The following PTPRD variants were observed in gnomAD, a reference collection of about 807,000 sequenced individuals.
The protein encoded by PTPRD is receptor-type tyrosine-protein phosphatase delta.
PTPRD carries 34 observed loss-of-function variants against 214.5 expected under a neutral mutation model. That is an observed-to-expected ratio of 0.16 (90% CI 0.12 to 0.21). The LOEUF is 0.21. Among genes scored for constraint, PTPRD ranks in the 10% least tolerant of loss-of-function variants. The pLI, the probability that PTPRD is intolerant of heterozygous loss-of-function variation, is 1.00. For synonymous variants in PTPRD, 1,128 were observed against 845.7 expected (o/e 1.33, Z -5.79); for missense variants, 2,545 against 2,398.7 (o/e 1.06, Z -1.27).
chr9:8,362,615 A>C (rs1340354337), intron 39 of PTPRD, among the ~76,000 whole-genome samples: 1 of 152,232 alleles, frequency 6.6e-6, no homozygotes, highest in Non-Finnish European at 1.5e-5. Context: ...CCTATAAACC[A>C]AAATTTGGAC....
chr9:10,406,231 C>A (rs143780101), intron 2 of PTPRD, among the ~76,000 whole-genome samples: 2 of 151,370 alleles, frequency 1.3e-5, no homozygotes, highest in East Asian at 3.9e-4. Context: ...ATAATTTCAG[C>A]AGTTCACATA....
intron 11 of PTPRD, among the ~76,000 whole-genome samples, chr9:8,835,216 T>C (rs1298316993): frequency 2.0e-5 from 3 of 152,230 alleles, no homozygotes; most frequent in African/African-American, 2.4e-5. Context: ...GTACCAGCTA[T>C]AGTCAAGATG....
At chr9:8,398,963 G>A (rs2091845213) in intron 36 of PTPRD, among the ~76,000 whole-genome samples, 1 of 152,102 alleles carries the variant, frequency 6.6e-6, no homozygotes, top group Non-Finnish European at 1.5e-5. Flanking sequence ...AAGCACTAGT[G>A]TTAAAGAATG....
At chr9:8,861,799 G>A (rs1307771909) in intron 11 of PTPRD, 1 of 152,206 alleles carries the variant, frequency 6.6e-6, no homozygotes, top group Non-Finnish European at 1.5e-5. Context: ...AGATTCAAGT[G>A]ACATGTTCGG....
At chr9:9,813,364 G>C (rs2047749050) in intron 5 of PTPRD, among the ~76,000 whole-genome samples, 1 of 135,282 alleles carries the variant, frequency 7.4e-6, no homozygotes, top group Non-Finnish European at 1.5e-5. Context: ...AGTTTCTAAA[G>C]AAAAACAAAA....
intron 11 of PTPRD, among the ~76,000 whole-genome samples, chr9:8,766,817 TTATTTAGAAG>T (rs2094789293): frequency 6.6e-6 from 1 of 152,214 alleles, no homozygotes; most frequent in Admixed American, 6.5e-5. Context: ...TTAGAAGTGT[TTATTTAGAAG>T]TTTCGTGATG....
At chr9:9,222,120 C>T (rs1354621886) in intron 9 of PTPRD, among the ~76,000 whole-genome samples, 2 of 152,052 alleles carry the variant, frequency 1.3e-5, no homozygotes, top group African/African-American at 4.8e-5. Flanking sequence ...TTAGGAAAAA[C>T]TTACAAAGTT....
intron 3 of PTPRD, among the ~76,000 whole-genome samples, chr9:10,106,476 T>C (rs566511813): frequency 2.6e-5 from 4 of 151,958 alleles, no homozygotes; most frequent in Non-Finnish European, 4.4e-5. Flanking sequence ...AGGGAAAGTA[T>C]AGTAACACAA....
intron 9 of PTPRD, among the ~76,000 whole-genome samples, chr9:9,200,604 C>A (rs1437118749): frequency 6.6e-6 from 1 of 152,214 alleles, no homozygotes; most frequent in East Asian, 1.9e-4. Context: ...CCAACCAAGA[C>A]TGTCTGTTGC....
intron 9 of PTPRD, among the ~76,000 whole-genome samples, chr9:9,288,569 C>T (rs1198092497): frequency 6.6e-6 from 1 of 151,864 alleles, no homozygotes; most frequent in African/African-American, 2.4e-5. Context: ...ATATTGTGTT[C>T]ACACTTTCAT....
intron 9 of PTPRD, among the ~76,000 whole-genome samples, chr9:9,364,257 C>T (rs1469828591): frequency 6.6e-6 from 1 of 151,338 alleles, no homozygotes; most frequent in Non-Finnish European, 1.5e-5. Flanking sequence ...AGTATTCACT[C>T]AGAATTCATA....
intron 14 of PTPRD, among the ~76,000 whole-genome samples, chr9:8,573,949 A>G (rs2091818477): frequency 6.6e-6 from 1 of 151,998 alleles, no homozygotes. Flanking sequence ...AACTTCATTT[A>G]GGGCTGACTA....
At chr9:8,829,457 A>G (rs2097242575) in intron 11 of PTPRD, among the ~76,000 whole-genome samples, 1 of 152,204 alleles carries the variant, frequency 6.6e-6, no homozygotes, top group Non-Finnish European at 1.5e-5. Context: ...TGCATACATC[A>G]GTTCATTACT....
chr9:10,373,646 C>T (rs1478096583), intron 2 of PTPRD, among the ~76,000 whole-genome samples: 1 of 152,206 alleles, frequency 6.6e-6, no homozygotes, highest in East Asian at 1.9e-4. Flanking sequence ...CAGCTATAGG[C>T]ACCTTGATGA....
chr9:9,062,112 T>G (rs562846135), intron 10 of PTPRD, among the ~76,000 whole-genome samples: 24 of 152,212 alleles, frequency 1.6e-4, no homozygotes, highest in Non-Finnish European at 2.9e-4. Context: ...ATTCCAATAG[T>G]TGAAGTTCAA....
chr9:10,108,772 C>T (rs2098661201), intron 3 of PTPRD, among the ~76,000 whole-genome samples: 1 of 151,838 alleles, frequency 6.6e-6, no homozygotes, highest in Non-Finnish European at 1.5e-5. Context: ...CAAAGGGATA[C>T]TATTCATCCT....
At chr9:9,637,250 C>G (rs900548923) in intron 7 of PTPRD, among the ~76,000 whole-genome samples, 2 of 152,146 alleles carry the variant, frequency 1.3e-5, no homozygotes, top group Non-Finnish European at 2.9e-5. Context: ...TCTTAATTCA[C>G]TCTAGCATAA....
At chr9:8,331,539 A>C (rs755873091) in intron 44 of PTPRD, 43 bp downstream of exon 44, 4 of 1,154,674 alleles carry the variant, frequency 3.5e-6, no homozygotes, top group Admixed American at 5.6e-5. Context: ...CAATGAAGAA[A>C]CACCACCACT....
chr9:9,963,714 G>A (rs532961044), intron 4 of PTPRD, among the ~76,000 whole-genome samples: 1 of 152,200 alleles, frequency 6.6e-6, no homozygotes, highest in East Asian at 1.9e-4. Flanking sequence ...GACCAAGAAG[G>A]ACAAAGCGAT....
Sources: gnomAD v4.1 joint callset for allele counts (sites outside exome capture counted in the v4.1 genomes callset) on GRCh38, gnomAD v4.1.1 for gene constraint, MANE v1.5 for transcripts, NCBI Gene and HGNC (gene_info 2026-07-23, HGNC 2026-07-21) for gene names.